The following SSBP2 variants were observed in gnomAD, a reference collection of about 807,000 sequenced individuals.
The protein encoded by SSBP2 is single stranded DNA binding protein 2.
In SSBP2, 17 loss-of-function variants were observed where a neutral mutation model predicts 61.8. The observed-to-expected ratio is 0.28, with a 90% CI of 0.19 to 0.41. The LOEUF is 0.41. SSBP2 is among the 10% of genes least tolerant of loss of function. The pLI, the probability that SSBP2 is intolerant of heterozygous loss-of-function variation, is 1.00. For missense variants in SSBP2, 310 were observed against 458.7 expected, an observed-to-expected ratio of 0.68 and a Z score of 2.96; for synonymous variants, 139 against 141.3, an observed-to-expected ratio of 0.98 and a Z score of 0.12.
chr5:81,578,356 C>T (rs187556160), intron 4 of SSBP2, among the ~76,000 whole-genome samples: 4 of 151,938 alleles, frequency 2.6e-5, no homozygotes, highest in African/African-American at 9.6e-5. Flanking sequence ...TCCCAGAGAA[C>T]GTCAGTGCTT....
chr5:81,547,036 C>T (rs796952887), intron 4 of SSBP2, among the ~76,000 whole-genome samples: 15 of 53,864 alleles, frequency 2.8e-4, no homozygotes, highest in African/African-American at 1.9e-3. Flanking sequence ...AAATCTTGGC[C>T]AAAAAAAAAA....
intron 3 of SSBP2, among the ~76,000 whole-genome samples, chr5:81,633,633 G>C (rs1325480885): frequency 6.6e-6 from 1 of 152,102 alleles, no homozygotes; most frequent in Non-Finnish European, 1.5e-5. Flanking sequence ...AGCCTCCTGA[G>C]TAGCTGTTAC....
At chr5:81,446,313 A>G (rs1763397928) in intron 12 of SSBP2, among the ~76,000 whole-genome samples, 1 of 152,218 alleles carries the variant, frequency 6.6e-6, no homozygotes, top group Non-Finnish European at 1.5e-5. Context: ...TAAAGTAATT[A>G]TATAAAAGGA....
At chr5:81,629,424 C>T (rs1028060885) in intron 3 of SSBP2, among the ~76,000 whole-genome samples, 3 of 152,214 alleles carry the variant, frequency 2.0e-5, no homozygotes, top group African/African-American at 7.2e-5. Flanking sequence ...CTGTCCCCTG[C>T]TTTTGTCTCT....
In SSBP2 at chr5:81,448,843, C is replaced by T. The variant is rs1561412553; in HGVS notation, c.688-18G>A. 2 of 1,606,424 alleles carry T rather than the reference C, an allele frequency of 1.2e-6. No homozygotes were observed. The highest frequency in any genetic ancestry group is 1.1e-5 in the South Asian group (1 of 89,412). On this transcript the variant is annotated intron_variant, in intron 10 of 16. Transcript: ENST00000320672. ...TATGGTATCTGGAACACGAATAGGA[C>T]AAAAAAATTTTTGATTCATGTAGCA...
At chr5:81,676,447 A>C (rs1490507174) in intron 1 of SSBP2, among the ~76,000 whole-genome samples, 1 of 152,142 alleles carries the variant, frequency 6.6e-6, no homozygotes, top group Non-Finnish European at 1.5e-5. Context: ...GTCTTCCTAG[A>C]TTTAGCGATG....
At position 81,461,734 on chromosome 5, in the gene SSBP2, T is replaced by C. The variant is rs74569993; in HGVS notation, c.639-631A>G. On this transcript the variant is annotated intron_variant, in intron 9 of 16. Coordinates refer to ENST00000320672, the MANE Select transcript of SSBP2 (RefSeq NM_012446.5). ...CAGTCCAGATAGTGGCCAGAGCAAA[T>C]CTTAGAAAAAATGGGAGATAATCTA... is the stretch of plus-strand genomic sequence containing the variant. Among the ~76,000 whole-genome samples the C allele has an allele frequency of 3.2e-3, 489 of 152,208 alleles. 1 individual carries two copies. The highest frequency in any genetic ancestry group is 0.011 in the African/African-American group (461 of 41,538).
intron 4 of SSBP2, among the ~76,000 whole-genome samples, chr5:81,553,271 T>C (rs1490506817): frequency 6.6e-6 from 1 of 152,222 alleles, no homozygotes; most frequent in Non-Finnish European, 1.5e-5. Flanking sequence ...TTATGTTTTA[T>C]TTTCTCTAGA....
chr5:81,428,728 T>A (rs372569515), intron 15 of SSBP2, 45 bp from the exon 16 acceptor site: 1 of 1,424,730 alleles, frequency 7.0e-7, no homozygotes, highest in Non-Finnish European at 9.9e-7. Context: ...AAAATTTTAA[T>A]TTCCCTCTTG....
At chr5:81,750,664 TG>T (rs1415162914) in intron 1 of SSBP2, 5 of 374,516 alleles carry the variant, frequency 1.3e-5, no homozygotes, top group Non-Finnish European at 2.4e-5. Flanking sequence ...AAAGTTACTT[TG>T]GAAGGTGAAC....
intron 3 of SSBP2, among the ~76,000 whole-genome samples, chr5:81,630,611 T>C (rs1323643473): frequency 6.6e-6 from 1 of 152,158 alleles, no homozygotes; most frequent in Admixed American, 6.5e-5. Flanking sequence ...ATGTGCCCAT[T>C]ACTTACTTAT....
At chr5:81,432,922 G>A (rs1484032761) in intron 15 of SSBP2, among the ~76,000 whole-genome samples, 6 of 147,678 alleles carry the variant, frequency 4.1e-5, no homozygotes, top group South Asian at 4.3e-4. Flanking sequence ...CACCCCGTCC[G>A]GGAGGGAGGT....
At chr5:81,526,503 G>A (rs1186533821) in intron 4 of SSBP2, among the ~76,000 whole-genome samples, 1 of 151,868 alleles carries the variant, frequency 6.6e-6, no homozygotes, top group Non-Finnish European at 1.5e-5. Context: ...ATAGTGTTAT[G>A]AAATACTGAG....
intron 1 of SSBP2, among the ~76,000 whole-genome samples, chr5:81,714,242 CT>C (rs1293665225): frequency 2.0e-5 from 3 of 152,076 alleles, no homozygotes; most frequent in South Asian, 2.1e-4. Context: ...TGAACTCATC[CT>C]TTTTTATGGT....
Position 81,489,308 on chromosome 5 carries a change from G to A in SSBP2, c.374C>T (p.Pro125Leu). ...TCCAGGGTACCGAGGTGACATAAAA[G>A]GCTATTGAAGTAAAACAAATAAACA... Residue 125 changes from proline to leucine, a missense_variant and splice_region_variant, in exon 6 of 17, where the codon CCT (proline) becomes CTT (leucine). Transcript: ENST00000320672. The A allele has an allele frequency of 6.2e-7, 1 of 1,602,102 alleles. No individual in the cohort carries two copies. The highest frequency in any genetic ancestry group is 8.5e-7 in the Non-Finnish European group (1 of 1,176,412).
chr5:81,627,103 C>T (rs982188258), intron 3 of SSBP2, among the ~76,000 whole-genome samples: 5 of 152,004 alleles, frequency 3.3e-5, no homozygotes, highest in African/African-American at 4.8e-5. Context: ...GCTAGTATAG[C>T]GAAATAAAAA....
At chr5:81,505,361 C>CT (rs1292691430) in intron 5 of SSBP2, among the ~76,000 whole-genome samples, 3 of 152,120 alleles carry the variant, frequency 2.0e-5, no homozygotes, top group Non-Finnish European at 2.9e-5. Flanking sequence ...TGAACGCTAC[C>CT]TTGTAATAAG....
intron 13 of SSBP2, among the ~76,000 whole-genome samples, chr5:81,441,226 C>T (rs1763012889): frequency 6.6e-6 from 1 of 152,166 alleles, no homozygotes; most frequent in Non-Finnish European, 1.5e-5. Flanking sequence ...GGCAATTCTG[C>T]TTAACATTTT....
chr5:81,656,686 C>T (rs1432973401), intron 1 of SSBP2, among the ~76,000 whole-genome samples: 1 of 142,984 alleles, frequency 7.0e-6, no homozygotes, highest in East Asian at 2.0e-4. Flanking sequence ...AATGGAAATT[C>T]AAATAGGAAG....
Sources: allele counts gnomAD v4.1 joint callset (sites outside exome capture counted in the v4.1 genomes callset), GRCh38; gene constraint gnomAD v4.1.1; transcripts MANE v1.5; gene names NCBI Gene and HGNC (gene_info 2026-07-23, HGNC 2026-07-21).